Variants in ARHGAP35 observed in about 807,000 individuals in gnomAD.
ARHGAP35 encodes rho GTPase-activating protein 35.
Under a neutral mutation model 111.1 loss-of-function variants are expected in ARHGAP35, and 15 were observed. That is an observed-to-expected ratio of 0.13 (90% confidence interval 0.09 to 0.21). ARHGAP35 has a LOEUF of 0.21. Ranked by LOEUF, ARHGAP35 falls within the 10% of genes least tolerant of loss-of-function variation. ARHGAP35 has a pLI of 1.00. For synonymous variants in ARHGAP35, 643 were observed against 710.3 expected (o/e 0.91, Z 1.51); for missense variants, 1,262 against 1,873.0 (o/e 0.67, Z 6.02).
At chr19:46,982,718 C>T (rs1044786590) in intron 3 of ARHGAP35, among the ~76,000 whole-genome samples, 1 of 151,916 alleles carries the variant, frequency 6.6e-6, no homozygotes, top group African/African-American at 2.4e-5. Flanking sequence ...CGCTGGCCAG[C>T]AGCAGCAGCA....
chr19:46,942,815 CAGA>C (rs1307641117), intron 3 of ARHGAP35, among the ~76,000 whole-genome samples: 9 of 42,288 alleles, frequency 2.1e-4, no homozygotes, highest in Admixed American at 3.2e-4. Context: ...GACCCTGTCT[CAGA>C]AAAAAAAAAA....
At chr19:46,998,581 T>G (rs1418223072) in intron 5 of ARHGAP35, among the ~76,000 whole-genome samples, 2 of 152,198 alleles carry the variant, frequency 1.3e-5, no homozygotes, top group African/African-American at 4.8e-5. Flanking sequence ...ACTCAGATAC[T>G]TCATCCTCAA....
rs758091947 is a variant in ARHGAP35 at position 47,000,689 on chromosome 19, G to A, written c.*1G>A. On this transcript the variant is annotated 3_prime_UTR_variant, in exon 7 of 7. Transcript: ENST00000672722. This position sits in a 1 kb window ranked among gnomAD's most constrained non-coding sequence, Gnocchi z 6.9. ...GCTTCAAGCCGAACACACGCTGTGAGCCACCAAGACCTGGGGCGACAGGAG... is the reference window on the plus strand; with the variant it reads ...GCTTCAAGCCGAACACACGCTGTGAACCACCAAGACCTGGGGCGACAGGAG... The A allele has an allele frequency of 1.3e-6, 2 of 1,571,980 alleles. No homozygotes were observed. The highest frequency in any genetic ancestry group is 1.7e-6 in the Non-Finnish European group (2 of 1,158,194).
At chr19:46,883,680 C>G (rs1475739981) in intron 1 of ARHGAP35, among the ~76,000 whole-genome samples, 3 of 152,130 alleles carry the variant, frequency 2.0e-5, no homozygotes, top group Non-Finnish European at 4.4e-5. Context: ...TAGACTTGCT[C>G]AAGACAGGGT....
intron 5 of ARHGAP35, chr19:46,997,488 A>G (rs1259339369): frequency 6.6e-6 from 1 of 152,122 alleles, no homozygotes; most frequent in African/African-American, 2.4e-5. Flanking sequence ...CTCTTCATTT[A>G]ATTGCCAGGT....
chr19:46,946,253 G>T (rs952934549), intron 3 of ARHGAP35, among the ~76,000 whole-genome samples: 1 of 152,200 alleles, frequency 6.6e-6, no homozygotes, highest in Admixed American at 6.5e-5. Flanking sequence ...CATAAGAGAT[G>T]GTGTTTTGCT....
intron 1 of ARHGAP35, among the ~76,000 whole-genome samples, chr19:46,888,460 C>T (rs2056007483): frequency 6.7e-6 from 1 of 149,794 alleles, no homozygotes; most frequent in South Asian, 2.1e-4. Flanking sequence ...CTGTGGTTTG[C>T]TCTGTACCAG....
chr19:46,919,661 A>G lies in ARHGAP35; in HGVS notation c.986A>G (p.Lys329Arg). The G allele has an allele frequency of 6.2e-7, 1 of 1,614,014 alleles. No homozygotes were observed. Residue 329 changes from lysine (K) to arginine (R), a missense_variant, in exon 2 of 7, where the codon AAG becomes AGG. Around this residue, in one of 8 missense-constraint regions of ARHGAP35, gnomAD observed 328 missense variants for 440.8 expected, o/e 0.74. Coordinates refer to ENST00000672722, the MANE Select transcript of ARHGAP35 (RefSeq NM_004491.5). This position sits in a 1 kb window ranked among gnomAD's most constrained non-coding sequence, Gnocchi z 6.2. ...TTTCTACAGCACATCCACCGCCTCA[A>G]GCATGAGCATATCGAGCGTAGGAGA... ...KLFLQHIHRL[K>R]HEHIERRRKL...
chr19:46,910,572 G>A (rs1178533820), intron 1 of ARHGAP35, among the ~76,000 whole-genome samples: 9 of 151,280 alleles, frequency 5.9e-5, no homozygotes, highest in East Asian at 2.0e-4. Context: ...GATTACAGGC[G>A]TGAGCCACCA....
At chr19:46,869,574 A>G (rs547466089) in intron 1 of ARHGAP35, among the ~76,000 whole-genome samples, 1 of 152,172 alleles carries the variant, frequency 6.6e-6, no homozygotes, top group Admixed American at 6.5e-5. Context: ...CATTTAAAAG[A>G]AAGGTCAAAA....
At chr19:46,934,265 TAA>T (rs908954916) in intron 2 of ARHGAP35, among the ~76,000 whole-genome samples, 1 of 151,380 alleles carries the variant, frequency 6.6e-6, no homozygotes, top group Non-Finnish European at 1.5e-5. Flanking sequence ...AACTTTAAAT[TAA>T]AAAAAAATAG....
intron 1 of ARHGAP35, among the ~76,000 whole-genome samples, chr19:46,867,281 T>A (rs1377954385): frequency 6.6e-6 from 1 of 152,232 alleles, no homozygotes; most frequent in Non-Finnish European, 1.5e-5. Flanking sequence ...TTTGCAGCAG[T>A]TGTGACTGTT....
At position 47,002,933 on chromosome 19, in the gene ARHGAP35, C is replaced by T. The variant is rs2056755919; in HGVS notation, c.*2245C>T. ...GAGCACCTGGGCTCTCTACCCCTCT[C>T]CTCACAGAAGTACCTGAAACTAGGT... On this transcript the variant is annotated 3_prime_UTR_variant, in exon 7 of 7. Transcript: ENST00000672722. 6.6e-6 allele frequency: 1 copy of T among 152,312 alleles called. No homozygotes were observed. The highest frequency in any genetic ancestry group is 1.5e-5 in the Non-Finnish European group (1 of 68,098). The allele number at this position is 152,312 out of a possible 1,614,324, so 9.4% of individuals were successfully genotyped here.
At chr19:46,940,643 G>T (rs1483644459) in intron 3 of ARHGAP35, among the ~76,000 whole-genome samples, 1 of 148,996 alleles carries the variant, frequency 6.7e-6, no homozygotes, top group East Asian at 2.0e-4. Context: ...TTTTGGTAGA[G>T]ATGGGGTTTC....
intron 1 of ARHGAP35, among the ~76,000 whole-genome samples, chr19:46,883,119 G>A (rs1184953272): frequency 6.6e-6 from 1 of 151,850 alleles, no homozygotes; most frequent in Non-Finnish European, 1.5e-5. Context: ...TTTTGAAACA[G>A]AGTCTCGCTC....
rs534988413 is a variant in ARHGAP35 at position 46,990,130 on chromosome 19, T to G, written c.4036+455T>G. Among the ~76,000 whole-genome samples, 262 of 152,342 alleles carry G rather than the reference T, an allele frequency of 1.7e-3. 2 individuals carry two copies. Among genetic ancestry groups the G allele is most frequent in the African/African-American group, 6.0e-3 (251 of 41,586 alleles). ...CTTACCTGTCTTCTCCTACCTCTCA[T>G]GTAATGAAGTTAACATGGGTCTAGG... On this transcript the variant is annotated intron_variant, in intron 5 of 6. Coordinates refer to ENST00000672722, the MANE Select transcript of ARHGAP35 (RefSeq NM_004491.5).
intron 3 of ARHGAP35, among the ~76,000 whole-genome samples, chr19:46,943,506 A>G (rs554124305): frequency 6.6e-6 from 1 of 152,264 alleles, no homozygotes; most frequent in Non-Finnish European, 1.5e-5. Context: ...TTGCTTAGGG[A>G]AAGCTGGTGC....
At position 46,861,865 on chromosome 19, in the gene ARHGAP35, C is replaced by T. The variant is rs62136771; in HGVS notation, c.-189+656C>T. On this transcript the variant is annotated intron_variant, in intron 1 of 6. Coordinates refer to ENST00000672722, the MANE Select transcript of ARHGAP35 (RefSeq NM_004491.5). ...GAGACCCCTGTTCGGCCAGGCACTGCTGCCCCAGGTCTTCCCCTTGGACTG... is the reference window on the plus strand; with the variant it reads ...GAGACCCCTGTTCGGCCAGGCACTGTTGCCCCAGGTCTTCCCCTTGGACTG... Among the ~76,000 whole-genome samples the T allele has an allele frequency of 3.9e-5, 6 of 152,104 alleles. No homozygotes were observed. In the East Asian group the frequency reaches 1.2e-3, roughly 29 times the overall value.
intron 3 of ARHGAP35, among the ~76,000 whole-genome samples, chr19:46,950,513 C>T (rs2056405613): frequency 6.6e-6 from 1 of 152,348 alleles, no homozygotes. Flanking sequence ...TCTCCAAGCA[C>T]GTATCAGTCC....
Sources: allele counts gnomAD v4.1 joint callset (sites outside exome capture counted in the v4.1 genomes callset), GRCh38; gene constraint gnomAD v4.1.1; regional missense constraint gnomAD v4.1.1; non-coding constraint Gnocchi (gnomAD v3.1); transcripts MANE v1.5; gene names NCBI Gene and HGNC (gene_info 2026-07-23, HGNC 2026-07-21).